Variants in CSMD1 observed in about 807,000 individuals in gnomAD.
The protein encoded by CSMD1 is CUB and sushi domain-containing protein 1.
CSMD1 carries 213 observed loss-of-function variants against 417.5 expected under a neutral mutation model. That is an observed-to-expected ratio of 0.51 (90% CI 0.46 to 0.57). The LOEUF (loss-of-function observed/expected upper bound fraction) is 0.57. Ranked by LOEUF, CSMD1 falls within the 20% of genes least tolerant of loss-of-function variation. CSMD1 has a pLI of 0.00. For synonymous variants in CSMD1, 2,862 were observed against 1,736.8 expected, an observed-to-expected ratio of 1.65 and a Z score of -16.11; for missense variants, 6,923 against 4,529.7, an observed-to-expected ratio of 1.53 and a Z score of -15.17.
At chr8:3,693,105 C>T (rs1800343991) in intron 7 of CSMD1, among the ~76,000 whole-genome samples, 2 of 152,022 alleles carry the variant, frequency 1.3e-5, no homozygotes, top group African/African-American at 2.4e-5. Context: ...CAAATCAATA[C>T]ATAGAGATAA....
intron 3 of CSMD1, among the ~76,000 whole-genome samples, chr8:4,078,904 TA>T: frequency 3.6e-5 from 1 of 27,918 alleles, no homozygotes. Flanking sequence ...TAAATATATA[TA>T]TATATATATA....
chr8:3,181,921 G>C (rs188778740), intron 36 of CSMD1, among the ~76,000 whole-genome samples: 2 of 152,288 alleles, frequency 1.3e-5, no homozygotes, highest in East Asian at 3.9e-4. Flanking sequence ...TCAGAAGTTT[G>C]AGACATTTTG....
intron 4 of CSMD1, among the ~76,000 whole-genome samples, chr8:4,025,974 G>A (rs906942868): frequency 3.3e-5 from 5 of 150,288 alleles, no homozygotes; most frequent in African/African-American, 9.8e-5. Flanking sequence ...AAAGATCATT[G>A]TAGAAGGAGA....
At chr8:3,154,964 A>G (rs976901948) in intron 39 of CSMD1, among the ~76,000 whole-genome samples, 1 of 152,166 alleles carries the variant, frequency 6.6e-6, no homozygotes, top group African/African-American at 2.4e-5. Context: ...TGTCTTTGAG[A>G]TTTATCATGG....
At chr8:3,349,339 C>T (rs1808236432) in intron 21 of CSMD1, among the ~76,000 whole-genome samples, 1 of 152,152 alleles carries the variant, frequency 6.6e-6, no homozygotes, top group Admixed American at 6.6e-5. Flanking sequence ...GCCATGATAT[C>T]CTAATCCACT....
chr8:3,510,182 G>C (rs886209056), intron 10 of CSMD1, among the ~76,000 whole-genome samples: 1 of 149,616 alleles, frequency 6.7e-6, no homozygotes, highest in East Asian at 1.9e-4. Flanking sequence ...AGGCAAGTAG[G>C]GTGTGCTGTA....
At chr8:4,190,575 G>T (rs1259734515) in intron 3 of CSMD1, among the ~76,000 whole-genome samples, 1 of 149,420 alleles carries the variant, frequency 6.7e-6, no homozygotes, top group Non-Finnish European at 1.5e-5. Flanking sequence ...AGACTCTGAT[G>T]ATCTATTCCC....
At position 4,680,980 on chromosome 8, in the gene CSMD1, G is replaced by GAT. The variant is rs748460262; in HGVS notation, c.86-43423_86-43422insAT. Among the ~76,000 whole-genome samples, 470 of 149,578 alleles carry GAT rather than the reference G, an allele frequency of 3.1e-3. 1 individual carries two copies. The highest frequency in any genetic ancestry group is 5.7e-3 in the Non-Finnish European group (385 of 67,252). ...TGTGTGTGTGTGTGTGTGTGTGAGA[G>GAT]AGAGAGAGAGAGAGAGAGAGAGAAT... On this transcript the variant is annotated intron_variant, in intron 1 of 69. Coordinates refer to ENST00000635120, the MANE Select transcript of CSMD1 (RefSeq NM_033225.6).
chr8:3,303,612 T>G (rs192807358), intron 25 of CSMD1, among the ~76,000 whole-genome samples: 100 of 152,324 alleles, frequency 6.6e-4, no homozygotes, highest in African/African-American at 2.4e-3. Context: ...TCCAGACAAT[T>G]ACACTGGCAG....
At chr8:3,876,864 G>C (rs943510046) in intron 5 of CSMD1, among the ~76,000 whole-genome samples, 1 of 152,160 alleles carries the variant, frequency 6.6e-6, no homozygotes, top group Non-Finnish European at 1.5e-5. Flanking sequence ...CGCCCGCCTT[G>C]GCCTCCCAAA....
At chr8:4,134,532 T>C (rs1803302150) in intron 3 of CSMD1, among the ~76,000 whole-genome samples, 2 of 152,232 alleles carry the variant, frequency 1.3e-5, no homozygotes, top group Admixed American at 1.3e-4. Flanking sequence ...ATAACTCTTG[T>C]TGTTTAAGCC....
intron 26 of CSMD1, among the ~76,000 whole-genome samples, chr8:3,274,944 G>A (rs1216539213): frequency 6.6e-6 from 1 of 152,064 alleles, no homozygotes; most frequent in African/African-American, 2.4e-5. Flanking sequence ...AGTTAATATT[G>A]TTATGTGTGA....
chr8:4,940,372 A>C (rs1266585902), intron 1 of CSMD1, among the ~76,000 whole-genome samples: 1 of 152,246 alleles, frequency 6.6e-6, no homozygotes, highest in African/African-American at 2.4e-5. Context: ...AATTGAGTGG[A>C]AATATACAGT....
intron 10 of CSMD1, among the ~76,000 whole-genome samples, chr8:3,532,643 A>C (rs953363241): frequency 3.3e-5 from 5 of 152,138 alleles, no homozygotes; most frequent in Admixed American, 2.0e-4. Context: ...ACATTCTATT[A>C]CTCTGAAACT....
chr8:4,354,660 G>C (rs558442092), intron 3 of CSMD1, among the ~76,000 whole-genome samples: 1 of 151,890 alleles, frequency 6.6e-6, no homozygotes, highest in Non-Finnish European at 1.5e-5. Context: ...CATCTATGCA[G>C]AATTTAAAAT....
At chr8:3,290,266 C>T (rs1803452116) in intron 25 of CSMD1, among the ~76,000 whole-genome samples, 1 of 147,148 alleles carries the variant, frequency 6.8e-6, no homozygotes, top group South Asian at 2.1e-4. Context: ...AGCGTGATGC[C>T]TCCAGCTTTG....
At chr8:4,436,995 T>C (rs1366328315) in intron 2 of CSMD1, among the ~76,000 whole-genome samples, 5 of 152,218 alleles carry the variant, frequency 3.3e-5, no homozygotes, top group African/African-American at 9.6e-5. Flanking sequence ...CTCAGCTTTC[T>C]AGGACTATCC....
intron 3 of CSMD1, among the ~76,000 whole-genome samples, chr8:4,233,193 A>G (rs1357959199): frequency 1.3e-5 from 2 of 152,196 alleles, no homozygotes; most frequent in African/African-American, 4.8e-5. Context: ...TATTGAAAAC[A>G]TATCATTTTC....
intron 7 of CSMD1, among the ~76,000 whole-genome samples, chr8:3,631,498 C>T (rs1564574): frequency 0.49 from 74,518 of 151,676 alleles, 19,156 homozygotes; most frequent in East Asian, 0.89. Flanking sequence ...GGCAGATAGG[C>T]CGGGAATAGC....
Sources: allele counts gnomAD v4.1 joint callset (sites outside exome capture counted in the v4.1 genomes callset), GRCh38; gene constraint gnomAD v4.1.1; transcripts MANE v1.5; gene names NCBI Gene and HGNC (gene_info 2026-07-23, HGNC 2026-07-21).